Variants in FNDC1 observed in about 807,000 individuals in gnomAD.
FNDC1 encodes fibronectin type III domain-containing protein 1.
A neutral mutation model predicts 168.0 loss-of-function variants in FNDC1; 96 were observed. That is an observed-to-expected ratio of 0.57 (90% CI 0.48 to 0.68). The LOEUF is 0.68. FNDC1 is among the 30% of genes least tolerant of loss of function. FNDC1 has a pLI of 0.00. For synonymous variants in FNDC1, 1,099 were observed against 1,025.9 expected (o/e 1.07, Z -1.36); for missense variants, 2,587 against 2,482.1 (o/e 1.04, Z -0.90).
chr6:159,179,435 G>A (rs1781836132), intron 1 of FNDC1, among the ~76,000 whole-genome samples: 1 of 152,136 alleles, frequency 6.6e-6, no homozygotes, highest in Non-Finnish European at 1.5e-5. Flanking sequence ...CTCCAGCCTG[G>A]GTGACAGAGC....
Position 159,229,843 on chromosome 6 carries a change from C to G in FNDC1, c.1209C>G (p.Leu403=), listed in dbSNP as rs1309225316. The G allele has an allele frequency of 1.2e-6, 2 of 1,613,236 alleles. No homozygotes were observed. The highest frequency in any genetic ancestry group is 1.7e-6 in the Non-Finnish European group (2 of 1,179,570). ...ACATTCTTTCATACGCCCCGGCTCT[C>G]AAACCATTTGGAGCAAAGTCCCTCA... is the stretch of plus-strand genomic sequence containing the variant. ...KEYILSYAPA[L]KPFGAKSLTY... The change falls in exon 10 of 23, where the codon CTC becomes CTG. Residue 403 remains leucine, a synonymous_variant. Coordinates refer to ENST00000297267, the MANE Select transcript of FNDC1 (RefSeq NM_032532.3).
At chr6:159,256,233 T>C (rs535859384) in intron 17 of FNDC1, among the ~76,000 whole-genome samples, 19 of 152,316 alleles carry the variant, frequency 1.2e-4, no homozygotes, top group African/African-American at 4.6e-4. Flanking sequence ...GTGATCAAGA[T>C]GAGACGTGAT....
intron 1 of FNDC1, among the ~76,000 whole-genome samples, chr6:159,189,135 G>T (rs6935278): frequency 0.12 from 18,782 of 152,206 alleles, 1,315 homozygotes; most frequent in African/African-American, 0.19. Flanking sequence ...CCCAACTTGA[G>T]CTCATTTAAA....
rs1327592931 is a variant in FNDC1 at position 159,271,607 on chromosome 6, G to T, written c.*165G>T. 2 of 583,180 alleles carry T rather than the reference G, an allele frequency of 3.4e-6. No homozygotes were observed. Among genetic ancestry groups the T allele is most frequent in the African/African-American group, 3.8e-5 (2 of 53,256 alleles). 36.1% of individuals were successfully genotyped at this position (583,180 alleles called of 1,614,324 possible). A position where few individuals can be genotyped will look rare whatever the true frequency, so the allele number is the denominator to read the frequency against. ...TCTGGTCATCTCAGTCTGGAACTCAGTCCCACTTCTTGGCCTGGACAATGA... is the reference window on the plus strand; with the variant it reads ...TCTGGTCATCTCAGTCTGGAACTCATTCCCACTTCTTGGCCTGGACAATGA... On this transcript the variant is annotated 3_prime_UTR_variant, in exon 23 of 23. Coordinates refer to ENST00000297267, the MANE Select transcript of FNDC1 (RefSeq NM_032532.3).
At chr6:159,183,153 TA>T (rs1781918310) in intron 1 of FNDC1, among the ~76,000 whole-genome samples, 1 of 152,204 alleles carries the variant, frequency 6.6e-6, no homozygotes, top group Non-Finnish European at 1.5e-5. Context: ...TCCTATGAGG[TA>T]GGTAGGATTA....
chr6:159,180,539 G>A (rs761595264), intron 1 of FNDC1, among the ~76,000 whole-genome samples: 10 of 152,058 alleles, frequency 6.6e-5, no homozygotes, highest in Non-Finnish European at 1.5e-4. Context: ...ATAGGTAAAT[G>A]TGTGCCATGG....
At chr6:159,240,857 A>T (rs919269610) in intron 14 of FNDC1, 4 of 152,208 alleles carry the variant, frequency 2.6e-5, no homozygotes, top group African/African-American at 9.6e-5. Context: ...TTTGAAATGA[A>T]TTGCAATGTC....
rs750151979 is a variant in FNDC1, at chr6:159,266,181, G to T, written c.5382G>T (p.Lys1794Asn). Residue 1794 changes from lysine to asparagine, a missense_variant, in exon 21 of 23, where the codon AAG becomes AAT. Physicochemically the swap from Lys to Asn is moderately conservative, Grantham distance 94. Transcript: ENST00000297267. ...RQYVKRTWYR[K>N]FVGVVLCNSL... is the part of the protein sequence containing the mutation. Reference sequence around the variant, plus strand: ...ATGTGAAGCGCACGTGGTATCGAAAGTTCGTGGGAGTTGTTCTTTGTAATT... The same window carrying T: ...ATGTGAAGCGCACGTGGTATCGAAATTTCGTGGGAGTTGTTCTTTGTAATT... 7 of 1,613,906 alleles carry T rather than the reference G, an allele frequency of 4.3e-6. No individual in the cohort carries two copies. The highest frequency in any genetic ancestry group is 1.6e-4 in the Middle Eastern group (1 of 6,084).
chr6:159,242,394 C>A (rs1274229190), intron 14 of FNDC1, among the ~76,000 whole-genome samples: 1 of 152,092 alleles, frequency 6.6e-6, no homozygotes, highest in African/African-American at 2.4e-5. Context: ...GGGCTTAATA[C>A]TTAGGTGATG....
At chr6:159,237,010 C>T (rs417719) in intron 12 of FNDC1, among the ~76,000 whole-genome samples, 128,356 of 152,076 alleles carry the variant, frequency 0.84, 54,628 homozygotes, top group Non-Finnish European at 0.9. Flanking sequence ...TAATTCCCAA[C>T]CAAAACTTCC....
Position 159,232,879 on chromosome 6 carries a change from C to G in FNDC1, c.2367C>G (p.His789Gln). Residue 789 changes from histidine to glutamine, a missense_variant, in exon 11 of 23, where the codon CAC (histidine) becomes CAG (glutamine). His to Gln is a conservative substitution (Grantham distance 24). Coordinates refer to ENST00000297267, the MANE Select transcript of FNDC1 (RefSeq NM_032532.3). The surrounding 1 kb of genome is among the most constrained non-coding windows in gnomAD (Gnocchi z 4.9). ...EGAEASDGES[H>Q]GDGDREDGGR... is the part of the protein sequence containing the mutation. Reference sequence around the variant, plus strand: ...CGGAGGCTTCTGATGGTGAAAGCCACGGTGACGGCGATAGGGAAGACGGCG... The same window carrying G: ...CGGAGGCTTCTGATGGTGAAAGCCAGGGTGACGGCGATAGGGAAGACGGCG... 1 of 1,613,350 alleles carries G rather than the reference C, an allele frequency of 6.2e-7. No individual in the cohort carries two copies.
intron 7 of FNDC1, among the ~76,000 whole-genome samples, 196 bp from the exon 8 acceptor site, chr6:159,225,339 G>GT (rs141184653): frequency 1.3e-5 from 2 of 151,904 alleles, no homozygotes; most frequent in Non-Finnish European, 1.5e-5. Flanking sequence ...ACTAAGCTCT[G>GT]TTTTTTTCTC....
At position 159,200,156 on chromosome 6, in the gene FNDC1, C is replaced by T. The variant is rs901581337; in HGVS notation, c.391+74C>T. 6 of 1,094,818 alleles carry T rather than the reference C, an allele frequency of 5.5e-6. No individual in the cohort carries two copies. The East Asian group carries it at 1.6e-4, about 28-fold the overall frequency. 67.8% of individuals were successfully genotyped at this position (1,094,818 alleles called of 1,614,324 possible). On this transcript the variant is annotated intron_variant, in intron 3 of 22. Transcript: ENST00000297267. ...GAGAGACATCCCTCCTTGCTTCTTC[C>T]AGTAAATATAAATTTAGAGTTATTA... is the stretch of plus-strand genomic sequence containing the variant.
rs572247315 is a variant in FNDC1 at position 159,271,669 on chromosome 6, CT to C, written c.*235del. 104 of 438,396 alleles carry C rather than the reference CT, an allele frequency of 2.4e-4. No individual in the cohort carries two copies. The highest frequency in any genetic ancestry group is 6.7e-4 in the Middle Eastern group (1 of 1,482). 27.2% of individuals were successfully genotyped at this position (438,396 alleles called of 1,614,324 possible). A position where few individuals can be genotyped will look rare whatever the true frequency, so the allele number is the denominator to read the frequency against. On this transcript the variant is annotated 3_prime_UTR_variant, in exon 23 of 23. Coordinates refer to ENST00000297267, the MANE Select transcript of FNDC1 (RefSeq NM_032532.3). Reference sequence around the variant, plus strand: ...TTTTGCTGTTAACTTTGCTTCTCTACTTTTTTTTGTTTGTTTGTAATAGCAC... The same window carrying C: ...TTTTGCTGTTAACTTTGCTTCTCTACTTTTTTTGTTTGTTTGTAATAGCAC...
chr6:159,173,874 G>A (rs181047727), intron 1 of FNDC1, among the ~76,000 whole-genome samples: 2 of 152,200 alleles, frequency 1.3e-5, no homozygotes, highest in East Asian at 1.9e-4. Context: ...CTTGGTTCTC[G>A]GGATTAGGAC....
intron 22 of FNDC1, among the ~76,000 whole-genome samples, chr6:159,268,585 G>GTC (rs531755767): frequency 5.3e-5 from 8 of 151,214 alleles, no homozygotes; most frequent in East Asian, 1.9e-4. Context: ...CCATCTATCC[G>GTC]TCTCTCTCTC....
At chr6:159,271,207 G>A (rs963987415) in intron 22 of FNDC1, 120 bp from the exon 23 acceptor site, 4 of 690,422 alleles carry the variant, frequency 5.8e-6, no homozygotes, top group Non-Finnish European at 7.7e-6. Flanking sequence ...TTTGAAAGTA[G>A]CGTTTTGTCA....
rs71033526 is a variant in FNDC1, at chr6:159,269,455, CATCTATCTATCT to C, written c.5569+1565_5569+1576del. Among the ~76,000 whole-genome samples, 316 of 93,986 alleles carry C rather than the reference CATCTATCTATCT, an allele frequency of 3.4e-3. 3 individuals carry two copies. Among genetic ancestry groups the C allele is most frequent in the African/African-American group, 6.2e-3 (159 of 25,706 alleles). 61.7% of individuals were successfully genotyped at this position (93,986 alleles called of 152,430 possible). A position where few individuals can be genotyped will look rare whatever the true frequency, so the allele number is the denominator to read the frequency against. On this transcript the variant is annotated intron_variant, in intron 22 of 22. Transcript: ENST00000297267. ...TATCCATCCATTATCTACCTATTCACATCTATCTATCTATCTATCTATCTATCTATCTATCTA... is the reference window on the plus strand; with the variant it reads ...TATCCATCCATTATCTACCTATTCACATCTATCTATCTATCTATCTATCTA...
chr6:159,211,352 G>C (rs1782602357), intron 4 of FNDC1, among the ~76,000 whole-genome samples: 2 of 152,158 alleles, frequency 1.3e-5, no homozygotes, highest in Non-Finnish European at 2.9e-5. Flanking sequence ...GCAAGACCTG[G>C]GCCAACAGAA....
Sources: gnomAD v4.1 joint callset for allele counts (sites outside exome capture counted in the v4.1 genomes callset) on GRCh38, gnomAD v4.1.1 for gene constraint, Gnocchi (gnomAD v3.1) non-coding constraint, MANE v1.5 for transcripts, NCBI Gene and HGNC (gene_info 2026-07-23, HGNC 2026-07-21) for gene names.